The following WWOX variants were observed in gnomAD, a reference collection of about 807,000 sequenced individuals.
The protein encoded by WWOX is WW domain containing oxidoreductase.
A neutral mutation model predicts 46.2 loss-of-function variants in WWOX; 69 were observed. The ratio of observed to expected loss-of-function variants is 1.49; its 90% CI spans 1.23 to 1.82. WWOX has a LOEUF of 1.82. WWOX is among the 40% of genes most tolerant of loss of function. The pLI, the probability that WWOX is intolerant of heterozygous loss-of-function variation, is 0.00. For synonymous variants in WWOX, 359 were observed against 202.6 expected (o/e 1.77, Z -6.56); for missense variants, 919 against 542.6 (o/e 1.69, Z -6.89).
At chr16:78,748,022 A>G (rs2049389743) in intron 8 of WWOX, among the ~76,000 whole-genome samples, 1 of 152,194 alleles carries the variant, frequency 6.6e-6, no homozygotes, top group Admixed American at 6.5e-5. Flanking sequence ...GCCGAAGAGT[A>G]TTGAACTTGG....
chr16:78,539,997 T>TTCTCTCTCTCTCTC (rs536466074), intron 8 of WWOX, among the ~76,000 whole-genome samples: 2 of 133,022 alleles, frequency 1.5e-5, no homozygotes, highest in East Asian at 2.4e-4. Flanking sequence ...CTCTCTCTCT[T>TTCTCTCTCTCTCTC]TCTCTCTCTC....
intron 8 of WWOX, among the ~76,000 whole-genome samples, chr16:78,672,704 A>G (rs750323954): frequency 2.0e-5 from 3 of 152,250 alleles, no homozygotes; most frequent in Non-Finnish European, 2.9e-5. Context: ...GGGAATGACC[A>G]AAAAGATTCC....
intron 8 of WWOX, among the ~76,000 whole-genome samples, chr16:79,132,177 C>A (rs980167144): frequency 1.1e-4 from 16 of 151,086 alleles, no homozygotes; most frequent in African/African-American, 4.9e-5. Flanking sequence ...CCCCTTCCTA[C>A]GTCCTACATC....
At chr16:78,424,600 T>G (rs1259607903) in intron 6 of WWOX, among the ~76,000 whole-genome samples, 1 of 152,178 alleles carries the variant, frequency 6.6e-6, no homozygotes, top group Non-Finnish European at 1.5e-5. Flanking sequence ...TGTCCTGGTT[T>G]TCACACTGAA....
intron 8 of WWOX, among the ~76,000 whole-genome samples, chr16:79,112,036 A>G (rs1037062204): frequency 6.6e-6 from 1 of 152,126 alleles, no homozygotes; most frequent in African/African-American, 2.4e-5. Context: ...CTCCCCAGCC[A>G]TACCTCAATG....
intron 8 of WWOX, among the ~76,000 whole-genome samples, chr16:78,823,357 G>T (rs913598029): frequency 6.6e-6 from 1 of 152,180 alleles, no homozygotes; most frequent in East Asian, 1.9e-4. Flanking sequence ...GAATAAGGAA[G>T]GACAGACTCC....
chr16:78,539,516 T>A (rs17777718), intron 8 of WWOX, among the ~76,000 whole-genome samples: 11,539 of 152,256 alleles, frequency 0.076, 570 homozygotes, highest in East Asian at 0.12. Context: ...TGAAAAAATA[T>A]TTAGTTAATT....
At chr16:78,417,048 T>C (rs1421173373) in intron 6 of WWOX, among the ~76,000 whole-genome samples, 1 of 151,964 alleles carries the variant, frequency 6.6e-6, no homozygotes, top group African/African-American at 2.4e-5. Flanking sequence ...GGGGTGTGTG[T>C]GTGTTTGCTT....
At chr16:78,659,837 TGACTCTCCTTACACATTTATTTC>T (rs2047171825) in intron 8 of WWOX, among the ~76,000 whole-genome samples, 1 of 152,194 alleles carries the variant, frequency 6.6e-6, no homozygotes, top group East Asian at 1.9e-4. Flanking sequence ...ACACACAGCA[TGACTCTCCTTACACATTTATTTC>T]GGAAGAGCAA....
At chr16:78,832,338 G>A in intron 8 of WWOX, among the ~76,000 whole-genome samples, 1 of 152,174 alleles carries the variant, frequency 6.6e-6, no homozygotes, top group East Asian at 1.9e-4. Flanking sequence ...AGAGTGTGAG[G>A]AAGATGTGGC....
At chr16:78,232,843 T>C (rs1407640582) in intron 5 of WWOX, among the ~76,000 whole-genome samples, 1 of 151,832 alleles carries the variant, frequency 6.6e-6, no homozygotes, top group Admixed American at 6.6e-5. Flanking sequence ...TTTTCTTTCT[T>C]TTCTTTTCTT....
intron 8 of WWOX, among the ~76,000 whole-genome samples, chr16:78,941,541 C>T (rs1318252322): frequency 2.0e-5 from 3 of 151,246 alleles, no homozygotes; most frequent in Admixed American, 1.3e-4. Context: ...AAGCTGGGGA[C>T]GGGGGGATAG....
intron 8 of WWOX, among the ~76,000 whole-genome samples, chr16:78,484,532 C>G (rs574787203): frequency 6.6e-6 from 1 of 152,144 alleles, no homozygotes; most frequent in African/African-American, 2.4e-5. Context: ...TGCGTGTTAT[C>G]CACAATTGAC....
At chr16:78,592,517 G>T (rs540646201) in intron 8 of WWOX, among the ~76,000 whole-genome samples, 7 of 152,314 alleles carry the variant, frequency 4.6e-5, no homozygotes, top group African/African-American at 1.7e-4. Context: ...AGAATCAGGT[G>T]TATGAAGCAA....
At chr16:78,916,131 G>A (rs543112764) in intron 8 of WWOX, among the ~76,000 whole-genome samples, 34 of 152,202 alleles carry the variant, frequency 2.2e-4, no homozygotes, top group African/African-American at 5.3e-4. Flanking sequence ...ACAGATAACC[G>A]TCCCATCTTG....
chr16:79,106,417 T>A (rs2049308272), intron 8 of WWOX, among the ~76,000 whole-genome samples: 1 of 152,078 alleles, frequency 6.6e-6, no homozygotes, highest in African/African-American at 2.4e-5. Flanking sequence ...CTCTAAATTC[T>A]ACTGACTTAA....
intron 5 of WWOX, among the ~76,000 whole-genome samples, chr16:78,186,275 A>G (rs2035701689): frequency 1.3e-5 from 2 of 151,114 alleles, no homozygotes; most frequent in South Asian, 4.2e-4. Flanking sequence ...TGGAAAGGTT[A>G]ACAATATGTA....
chr16:78,756,755 G>C (rs960357394), intron 8 of WWOX, among the ~76,000 whole-genome samples: 11 of 152,096 alleles, frequency 7.2e-5, no homozygotes, highest in African/African-American at 1.9e-4. Flanking sequence ...CCTAAGTTGG[G>C]GAATGTGGCC....
chr16:78,365,837 C>T (rs186252506), intron 5 of WWOX, among the ~76,000 whole-genome samples: 68 of 152,270 alleles, frequency 4.5e-4, no homozygotes, highest in African/African-American at 1.6e-3. Context: ...ACTCTCTTTT[C>T]TCCAGTAAAG....
Sources: allele counts gnomAD v4.1 joint callset (sites outside exome capture counted in the v4.1 genomes callset), GRCh38; gene constraint gnomAD v4.1.1; transcripts MANE v1.5; gene names NCBI Gene and HGNC (gene_info 2026-07-23, HGNC 2026-07-21).